Variants in PTTG1IP2 observed in about 807,000 individuals in gnomAD.
PTTG1IP2 encodes the protein PTTG1IP family member 2.
chr7:90,506,686 G>C (rs1433365802), intron 6 of PTTG1IP2, among the ~76,000 whole-genome samples: 21 of 152,254 alleles, frequency 1.4e-4, no homozygotes, highest in South Asian at 8.3e-4. Flanking sequence ...AGGATGGCTT[G>C]AGCTGGAGAG....
At chr7:90,512,602 T>C (rs1263510289) in intron 6 of PTTG1IP2, among the ~76,000 whole-genome samples, 2 of 152,188 alleles carry the variant, frequency 1.3e-5, no homozygotes, top group African/African-American at 4.8e-5. Flanking sequence ...TGCAGTAGAC[T>C]GAGAGGTGTG....
chr7:90,511,972 T>A (rs1798195786), intron 6 of PTTG1IP2, among the ~76,000 whole-genome samples: 1 of 152,364 alleles, frequency 6.6e-6, no homozygotes, highest in South Asian at 2.1e-4. Flanking sequence ...TTGCACATAA[T>A]AAACACTCAG....
At chr7:90,482,511 C>A (rs961825688) in intron 2 of PTTG1IP2, among the ~76,000 whole-genome samples, 20 of 150,950 alleles carry the variant, frequency 1.3e-4, no homozygotes, top group Non-Finnish European at 2.1e-4. Flanking sequence ...TACAACCCCC[C>A]CCCCACACAA....
In PTTG1IP2 at chr7:90,483,106, T is replaced by G. The variant is rs764283058; in HGVS notation, c.192+3832T>G. On this transcript the variant is annotated intron_variant, in intron 2 of 6. Transcript: ENST00000509356. Reference sequence around the variant, plus strand: ...ATGGACAAGGTGATGGATCCGAATCTGGATATGGCAGTCAACATGTGGATA... The same window carrying G: ...ATGGACAAGGTGATGGATCCGAATCGGGATATGGCAGTCAACATGTGGATA... Among the ~76,000 whole-genome samples, 26 of 152,148 alleles carry G rather than the reference T, an allele frequency of 1.7e-4. 1 individual carries two copies. The highest frequency in any genetic ancestry group is 1.5e-4 in the Non-Finnish European group (10 of 68,018).
chr7:90,502,102 G>C (rs1798067556), intron 6 of PTTG1IP2, among the ~76,000 whole-genome samples: 1 of 152,186 alleles, frequency 6.6e-6, no homozygotes, highest in African/African-American at 2.4e-5. Flanking sequence ...ATCCATTCAA[G>C]TTTTATCATG....
rs193016281 is a variant in PTTG1IP2, at chr7:90,496,106, C to A, written c.*50+1676C>A. 3.3e-5 allele frequency among the ~76,000 whole-genome samples: 5 copies of A among 152,148 alleles called. No individual in the cohort carries two copies. The East Asian group carries it at 9.6e-4, about 29-fold the overall frequency. On this transcript the variant is annotated intron_variant, in intron 6 of 6. Transcript: ENST00000509356. The stretch of plus-strand genomic sequence containing the variant: ...CCTATATTCATCAGGGATATTAGCC[C>A]GCAATTTTCTTTTCTCATAGTGTCT...
chr7:90,472,778 A>T (rs1032559357), intron 1 of PTTG1IP2, among the ~76,000 whole-genome samples: 4 of 152,234 alleles, frequency 2.6e-5, no homozygotes, highest in Non-Finnish European at 4.4e-5. Flanking sequence ...ATATATACAC[A>T]GAGTGATTTC....
At chr7:90,477,989 C>T (rs1198829550) in intron 1 of PTTG1IP2, among the ~76,000 whole-genome samples, 2 of 145,828 alleles carry the variant, frequency 1.4e-5, no homozygotes, top group Non-Finnish European at 3.0e-5. Context: ...CCCAGCTACT[C>T]GGGAGGCTGA....
intron 6 of PTTG1IP2, among the ~76,000 whole-genome samples, chr7:90,498,604 A>C (rs1254785700): frequency 6.6e-6 from 1 of 152,218 alleles, no homozygotes; most frequent in Non-Finnish European, 1.5e-5. Context: ...AACTACACCA[A>C]CACAATTTAT....
chr7:90,488,696 A>G (rs1797904867), intron 3 of PTTG1IP2, among the ~76,000 whole-genome samples, 175 bp from the exon 4 acceptor site: 2 of 152,052 alleles, frequency 1.3e-5, no homozygotes, highest in African/African-American at 4.8e-5. Flanking sequence ...TTTAAATGTT[A>G]GTGATTGTTG....
At chr7:90,509,305 G>A (rs1177405399) in intron 6 of PTTG1IP2, among the ~76,000 whole-genome samples, 1 of 152,056 alleles carries the variant, frequency 6.6e-6, no homozygotes, top group Non-Finnish European at 1.5e-5. Context: ...CCCAAACAAG[G>A]GTGGTAGCAC....
At chr7:90,479,929 T>C (rs1797796297) in intron 2 of PTTG1IP2, among the ~76,000 whole-genome samples, 2 of 152,222 alleles carry the variant, frequency 1.3e-5, no homozygotes. Context: ...GTGATCTAGA[T>C]ATACACCCTC....
intron 3 of PTTG1IP2, 104 bp downstream of exon 3, chr7:90,487,524 A>G (rs1224295040): frequency 6.6e-6 from 1 of 152,636 alleles, no homozygotes; most frequent in Admixed American, 6.5e-5. Flanking sequence ...CATTTGCCTT[A>G]CATATTAAAA....
intron 6 of PTTG1IP2, among the ~76,000 whole-genome samples, chr7:90,500,354 T>C (rs1584699248): frequency 6.6e-6 from 1 of 152,162 alleles, no homozygotes; most frequent in African/African-American, 2.4e-5. Flanking sequence ...GTTAACTCTA[T>C]CATGAGAAAA....
At chr7:90,488,197 C>T (rs1797898090) in intron 3 of PTTG1IP2, among the ~76,000 whole-genome samples, 1 of 151,962 alleles carries the variant, frequency 6.6e-6, no homozygotes, top group Non-Finnish European at 1.5e-5. Flanking sequence ...TTTTTTCCTT[C>T]ACTGAAGTAA....
intron 1 of PTTG1IP2, among the ~76,000 whole-genome samples, chr7:90,478,203 A>G: frequency 6.6e-6 from 1 of 152,080 alleles, no homozygotes; most frequent in East Asian, 1.9e-4. Flanking sequence ...ATCTGAAATT[A>G]TACAAAAATA....
chr7:90,481,087 T>TCAA (rs1797810666), intron 2 of PTTG1IP2, among the ~76,000 whole-genome samples: 1 of 152,216 alleles, frequency 6.6e-6, no homozygotes, highest in South Asian at 2.1e-4. Flanking sequence ...GATAAGATTT[T>TCAA]TTGTCTAGCA....
chr7:90,499,809 C>G (rs1363998247), intron 6 of PTTG1IP2, among the ~76,000 whole-genome samples: 2 of 152,068 alleles, frequency 1.3e-5, no homozygotes, highest in African/African-American at 2.4e-5. Context: ...TCTTGAACTC[C>G]TCACCTCAAG....
intron 6 of PTTG1IP2, among the ~76,000 whole-genome samples, chr7:90,512,349 G>A (rs916864923): frequency 2.0e-5 from 3 of 152,112 alleles, no homozygotes; most frequent in African/African-American, 7.2e-5. Context: ...GGAAAGAAGG[G>A]TGGAGAATGT....
Sources: allele counts gnomAD v4.1 joint callset (sites outside exome capture counted in the v4.1 genomes callset), GRCh38; gene constraint gnomAD v4.1.1; transcripts MANE v1.5; gene names NCBI Gene and HGNC (gene_info 2026-07-23, HGNC 2026-07-21).